The following USP48 variants were observed in gnomAD, a reference collection of about 807,000 sequenced individuals.
USP48 encodes ubiquitin specific peptidase 48.
A neutral mutation model predicts 150.7 loss-of-function variants in USP48; 43 were observed. That is an observed-to-expected ratio of 0.29 (90% CI 0.22 to 0.37). The LOEUF (loss-of-function observed/expected upper bound fraction) is 0.37. USP48 is among the 10% of genes least tolerant of loss of function. The pLI, the probability that USP48 is intolerant of heterozygous loss-of-function variation, is 1.00. For missense variants in USP48, 813 were observed against 1,249.6 expected, an observed-to-expected ratio of 0.65 and a Z score of 5.27; for synonymous variants, 396 against 425.9, an observed-to-expected ratio of 0.93 and a Z score of 0.86.
intron 25 of USP48, 56 bp downstream of exon 25, chr1:21,687,135 A>G: frequency 1.9e-6 from 3 of 1,553,826 alleles, no homozygotes; most frequent in Non-Finnish European, 8.8e-7. Flanking sequence ...AATATCTAAA[A>G]TCCCACCTCC....
intron 1 of USP48, 151 bp from the exon 2 acceptor site, chr1:21,757,934 G>T: frequency 2.0e-6 from 2 of 994,904 alleles, no homozygotes; most frequent in Non-Finnish European, 2.8e-6. Flanking sequence ...GTGTGGAGAA[G>T]AAAGCATGCA....
intron 1 of USP48, among the ~76,000 whole-genome samples, chr1:21,770,909 G>A (rs1053387974): frequency 3.3e-5 from 5 of 151,754 alleles, no homozygotes; most frequent in African/African-American, 4.8e-5. Flanking sequence ...GATCACCTGA[G>A]GCCCGGAGTT....
chr1:21,776,815 G>C (rs1250106612), intron 1 of USP48, among the ~76,000 whole-genome samples: 1 of 151,970 alleles, frequency 6.6e-6, no homozygotes, highest in African/African-American at 2.4e-5. Flanking sequence ...TTAGCCGGGC[G>C]TGGTGCCTGC....
At chr1:21,729,522 T>C (rs2097750954) in intron 10 of USP48, among the ~76,000 whole-genome samples, 182 bp downstream of exon 10, 1 of 152,248 alleles carries the variant, frequency 6.6e-6, no homozygotes, top group Admixed American at 6.5e-5. Flanking sequence ...AATAATTGCA[T>C]TGCTTTATTT....
intron 22 of USP48, among the ~76,000 whole-genome samples, chr1:21,697,197 G>A (rs1164218699): frequency 6.6e-6 from 1 of 152,036 alleles, no homozygotes; most frequent in Admixed American, 6.6e-5. Context: ...TTTGTTCAGG[G>A]TGCCGACCAC....
At chr1:21,756,929 A>G (rs961932112) in intron 2 of USP48, 65 of 985,296 alleles carry the variant, frequency 6.6e-5, no homozygotes, top group African/African-American at 8.7e-5. Flanking sequence ...ATCACTGCTC[A>G]TCTCTAGCAT....
intron 1 of USP48, among the ~76,000 whole-genome samples, chr1:21,777,113 GA>G (rs777155673): frequency 4.9e-5 from 7 of 143,162 alleles, no homozygotes; most frequent in Admixed American, 7.1e-5. Context: ...GACTCCATCT[GA>G]AAAAAAAAAA....
chr1:21,694,176 A>C (rs1381940253), intron 23 of USP48, among the ~76,000 whole-genome samples: 1 of 152,146 alleles, frequency 6.6e-6, no homozygotes, highest in Non-Finnish European at 1.5e-5. Flanking sequence ...ACAGCCGTGG[A>C]ACTGATTTGT....
chr1:21,706,923 T>C lies in USP48; in HGVS notation c.1964-55A>G. On this transcript the variant is annotated intron_variant, in intron 15 of 26. Transcript: ENST00000308271. ...AAAAAAACAGCTGAAAAAAAGTCAT[T>C]ATCTATTTCCTATTTCTTAAACTTA... is the stretch of plus-strand genomic sequence containing the variant. 1.3e-6 allele frequency: 2 copies of C among 1,543,146 alleles called. 1 individual carries two copies. The highest frequency in any genetic ancestry group is 2.4e-5 in the South Asian group (2 of 81,876).
At chr1:21,694,572 CAAAAAAAAAAAAAAAAAAAAAA>C (rs1204062748) in intron 23 of USP48, among the ~76,000 whole-genome samples, 2 of 12,022 alleles carry the variant, frequency 1.7e-4, no homozygotes, top group African/African-American at 9.2e-4. Flanking sequence ...TCTGTCTCAC[CAAAAAAAAAAAAAAAAAAAAAA>C]AAAAAAAAAA....
At chr1:21,705,502 G>C (rs908070944) in intron 19 of USP48, among the ~76,000 whole-genome samples, 1 of 152,142 alleles carries the variant, frequency 6.6e-6, no homozygotes, top group East Asian at 1.9e-4. Context: ...TCTTCAAGAG[G>C]GACAAGGAAA....
At chr1:21,697,488 C>G (rs977858543) in intron 22 of USP48, among the ~76,000 whole-genome samples, 1 of 151,778 alleles carries the variant, frequency 6.6e-6, no homozygotes, top group East Asian at 1.9e-4. Flanking sequence ...ATGGTGAAAC[C>G]CCGTCTCTAC....
intron 11 of USP48, chr1:21,724,376 G>A (rs1302168979): frequency 5.2e-6 from 3 of 580,106 alleles, no homozygotes; most frequent in Non-Finnish European, 6.1e-6. Flanking sequence ...CATCCACATA[G>A]AGTCTTGCCG....
chr1:21,767,268 G>C (rs998582171), intron 1 of USP48, among the ~76,000 whole-genome samples: 8 of 152,108 alleles, frequency 5.3e-5, no homozygotes, highest in African/African-American at 1.9e-4. Flanking sequence ...AGCTGGGCTA[G>C]AATTCCTTGA....
intron 15 of USP48, among the ~76,000 whole-genome samples, chr1:21,712,882 C>G (rs371584561): frequency 6.6e-6 from 1 of 152,110 alleles, no homozygotes; most frequent in African/African-American, 2.4e-5. Context: ...CCTGCCTCAG[C>G]CTCCCAAAGT....
At chr1:21,752,387 T>A in intron 5 of USP48, 140 bp downstream of exon 5, 1 of 1,029,478 alleles carries the variant, frequency 9.7e-7, no homozygotes, top group Non-Finnish European at 1.4e-6. Context: ...TATGTTCCCA[T>A]GGAAATGTAT....
At chr1:21,712,030 G>T (rs1341111508) in intron 15 of USP48, among the ~76,000 whole-genome samples, 1 of 152,242 alleles carries the variant, frequency 6.6e-6, no homozygotes, top group African/African-American at 2.4e-5. Context: ...TAGAATGGAT[G>T]TGATAATATA....
At chr1:21,712,253 G>C (rs543617438) in intron 15 of USP48, among the ~76,000 whole-genome samples, 1 of 152,308 alleles carries the variant, frequency 6.6e-6, no homozygotes, top group East Asian at 1.9e-4. Flanking sequence ...CAGATACTTG[G>C]GAAGCTGAGG....
intron 22 of USP48, among the ~76,000 whole-genome samples, chr1:21,696,549 A>G (rs2097632050): frequency 6.6e-6 from 1 of 152,216 alleles, no homozygotes; most frequent in South Asian, 2.1e-4. Context: ...TACTGATTTG[A>G]GAGGAAAAAA....
Sources: allele counts gnomAD v4.1 joint callset (sites outside exome capture counted in the v4.1 genomes callset), GRCh38; gene constraint gnomAD v4.1.1; transcripts MANE v1.5; gene names NCBI Gene and HGNC (gene_info 2026-07-23, HGNC 2026-07-21).